The following SRPK2 variants were observed in gnomAD, a reference collection of about 807,000 sequenced individuals.
The protein encoded by SRPK2 is SFRS protein kinase 2.
SRPK2 carries 21 observed loss-of-function variants against 90.8 expected under a neutral mutation model. That is an observed-to-expected ratio of 0.23 (90% CI 0.16 to 0.33). The LOEUF is 0.33. SRPK2 is among the 10% of genes least tolerant of loss of function. The probability of loss-of-function intolerance (pLI) is 1.00; values close to 1 mark genes in which losing one functional copy is unlikely to be tolerated. For missense variants in SRPK2, 620 were observed against 869.0 expected, an observed-to-expected ratio of 0.71 and a Z score of 3.60; for synonymous variants, 288 against 311.1, an observed-to-expected ratio of 0.93 and a Z score of 0.78.
intron 11 of SRPK2, among the ~76,000 whole-genome samples, chr7:105,137,992 C>T (rs1803135616): frequency 6.6e-6 from 1 of 152,182 alleles, no homozygotes; most frequent in African/African-American, 2.4e-5. Context: ...AAACTGAGTG[C>T]TTCCAAACAA....
At chr7:105,369,188 C>G (rs953348791) in intron 2 of SRPK2, among the ~76,000 whole-genome samples, 6 of 150,770 alleles carry the variant, frequency 4.0e-5, no homozygotes, top group African/African-American at 1.5e-4. Flanking sequence ...ACTCTGTTGC[C>G]CAGGCTGCAG....
intron 2 of SRPK2, among the ~76,000 whole-genome samples, chr7:105,234,062 AT>A (rs976934683): frequency 1.8e-4 from 28 of 152,136 alleles, no homozygotes; most frequent in African/African-American, 5.3e-4. Flanking sequence ...GCCCAATTAA[AT>A]TTTTTTATGA....
chr7:105,218,551 G>A (rs1353237464), intron 2 of SRPK2, among the ~76,000 whole-genome samples: 1 of 152,166 alleles, frequency 6.6e-6, no homozygotes, highest in African/African-American at 2.4e-5. Context: ...ATAGACGTAG[G>A]TAAAGAAAGG....
intron 15 of SRPK2, among the ~76,000 whole-genome samples, chr7:105,122,816 C>T (rs746491977): frequency 1.6e-4 from 24 of 151,750 alleles, no homozygotes; most frequent in East Asian, 3.9e-4. Context: ...CACACGCGCG[C>T]GCACACATGC....
intron 11 of SRPK2, among the ~76,000 whole-genome samples, chr7:105,139,266 G>T (rs769104306): frequency 4.6e-5 from 7 of 152,136 alleles, no homozygotes; most frequent in Non-Finnish European, 1.0e-4. Context: ...AAGCTGGAGA[G>T]AACACAAAGC....
At chr7:105,262,850 A>C (rs1804493902) in intron 2 of SRPK2, among the ~76,000 whole-genome samples, 1 of 152,226 alleles carries the variant, frequency 6.6e-6, no homozygotes, top group East Asian at 1.9e-4. Flanking sequence ...AGGTAAGAGA[A>C]GGAAAAAAAT....
At chr7:105,257,257 T>C (rs930164958) in intron 2 of SRPK2, among the ~76,000 whole-genome samples, 2 of 152,226 alleles carry the variant, frequency 1.3e-5, no homozygotes, top group Non-Finnish European at 2.9e-5. Flanking sequence ...CCCCAGTACA[T>C]AAAAGATTGT....
chr7:105,349,608 T>C (rs1816916050), intron 2 of SRPK2, among the ~76,000 whole-genome samples: 2 of 151,678 alleles, frequency 1.3e-5, no homozygotes, highest in African/African-American at 2.4e-5. Flanking sequence ...TCCTATGTAA[T>C]CAGAGATTCT....
intron 2 of SRPK2, among the ~76,000 whole-genome samples, chr7:105,292,832 T>C (rs892434447): frequency 6.6e-6 from 1 of 152,242 alleles, no homozygotes; most frequent in African/African-American, 2.4e-5. Flanking sequence ...TGAATGTTTA[T>C]GAGTTCTACA....
chr7:105,218,238 G>T (rs1797697731), intron 2 of SRPK2, among the ~76,000 whole-genome samples: 1 of 152,166 alleles, frequency 6.6e-6, no homozygotes, highest in African/African-American at 2.4e-5. Flanking sequence ...AATTTGCTAG[G>T]AAATAAAATG....
chr7:105,310,186 C>T (rs1811553800), intron 2 of SRPK2, among the ~76,000 whole-genome samples: 1 of 151,990 alleles, frequency 6.6e-6, no homozygotes, highest in African/African-American at 2.4e-5. Flanking sequence ...AGTCTAAGAC[C>T]CCATGAGGTA....
intron 2 of SRPK2, among the ~76,000 whole-genome samples, chr7:105,342,070 C>T (rs1216285851): frequency 1.3e-5 from 2 of 152,174 alleles, no homozygotes; most frequent in East Asian, 1.9e-4. Flanking sequence ...TCGAGACCAT[C>T]CTAGCTAACA....
chr7:105,196,839 C>CAGG (rs1425593620), intron 3 of SRPK2, among the ~76,000 whole-genome samples: 2 of 152,064 alleles, frequency 1.3e-5, no homozygotes, highest in African/African-American at 4.8e-5. Flanking sequence ...CACTTGAGGT[C>CAGG]AGGAGTTCGA....
At chr7:105,212,397 T>C (rs894407764) in intron 2 of SRPK2, among the ~76,000 whole-genome samples, 6 of 152,190 alleles carry the variant, frequency 3.9e-5, no homozygotes, top group Admixed American at 1.3e-4. Context: ...GAGATGGTAG[T>C]GGGCCAAGTC....
intron 15 of SRPK2, among the ~76,000 whole-genome samples, chr7:105,124,739 C>G (rs1450988849): frequency 6.6e-6 from 1 of 150,612 alleles, no homozygotes; most frequent in Non-Finnish European, 1.5e-5. Context: ...AGTCCATGTC[C>G]TACTCACATC....
upstream of SRPK2, chr7:105,389,062 CCACCCA>C (rs953562117): frequency 1.0e-6 from 1 of 970,298 alleles, no homozygotes; most frequent in African/African-American, 1.8e-5. Context: ...CGCCCCCGCC[CCACCCA>C]CCTGTGCAGA....
intron 2 of SRPK2, among the ~76,000 whole-genome samples, chr7:105,217,764 A>G (rs1482903231): frequency 6.6e-6 from 1 of 152,224 alleles, no homozygotes; most frequent in African/African-American, 2.4e-5. Flanking sequence ...GTCTTTTCTC[A>G]TGGTACCAGG....
At chr7:105,279,536 C>G (rs1806986550) in intron 2 of SRPK2, among the ~76,000 whole-genome samples, 1 of 152,132 alleles carries the variant, frequency 6.6e-6, no homozygotes, top group Non-Finnish European at 1.5e-5. Flanking sequence ...AGCAAGAAGA[C>G]AGAGAGGAAG....
chr7:105,194,836 A>G (rs1794723088), intron 3 of SRPK2, among the ~76,000 whole-genome samples: 1 of 152,150 alleles, frequency 6.6e-6, no homozygotes, highest in Non-Finnish European at 1.5e-5. Flanking sequence ...GCATTGACCA[A>G]AAGAGGGATG....
Sources: gnomAD v4.1 joint callset for allele counts (sites outside exome capture counted in the v4.1 genomes callset) on GRCh38, gnomAD v4.1.1 for gene constraint, MANE v1.5 for transcripts, NCBI Gene and HGNC (gene_info 2026-07-23, HGNC 2026-07-21) for gene names.